Variants in TMEM178B observed in about 807,000 individuals in gnomAD.
TMEM178B encodes transmembrane protein 178B.
A neutral mutation model predicts 31.0 loss-of-function variants in TMEM178B; 5 were observed. The ratio of observed to expected loss-of-function variants is 0.16; its 90% CI spans 0.08 to 0.34. TMEM178B has a LOEUF of 0.34. TMEM178B is among the 10% of genes least tolerant of loss of function. The pLI is 1.00. For synonymous variants in TMEM178B, 164 were observed against 164.0 expected, an observed-to-expected ratio of 1.00 and a Z score of 0.00; for missense variants, 275 against 400.3, an observed-to-expected ratio of 0.69 and a Z score of 2.67.
intron 2 of TMEM178B, among the ~76,000 whole-genome samples, chr7:141,307,853 G>A (rs1798840945): frequency 6.6e-6 from 1 of 152,176 alleles, no homozygotes; most frequent in Non-Finnish European, 1.5e-5. Context: ...CATGTTGAAT[G>A]TAAGCCTAGC....
At chr7:141,369,615 C>G (rs1800075972) in intron 2 of TMEM178B, among the ~76,000 whole-genome samples, 2 of 152,150 alleles carry the variant, frequency 1.3e-5, no homozygotes, top group African/African-American at 4.8e-5. Context: ...CACCTCCACC[C>G]CGCGTTCCTA....
At position 141,476,949 on chromosome 7, in the gene TMEM178B, A is replaced by G. The variant is rs1474637948; in HGVS notation, c.*6163A>G. On this transcript the variant is annotated 3_prime_UTR_variant, in exon 4 of 4. Transcript: ENST00000565468. ...GAAGAGTTGCACAGCAGTAGTTCGA[A>G]GAAGCTGGCATCTCTTTGGCAAACA... 1.3e-5 allele frequency: 2 copies of G among 154,846 alleles called. No individual in the cohort carries two copies. Among genetic ancestry groups the G allele is most frequent in the South Asian group, 2.0e-4 (1 of 4,926 alleles). The allele number at this position is 154,846 out of a possible 1,614,324, so 9.6% of individuals were successfully genotyped here. A position where few individuals can be genotyped will look rare whatever the true frequency, so the allele number is the denominator to read the frequency against.
chr7:141,510,100 C>T, the TMEM178B span, among the ~76,000 whole-genome samples: 1 of 152,140 alleles, frequency 6.6e-6, no homozygotes, highest in Admixed American at 6.5e-5. Flanking sequence ...TAAGCAGAAC[C>T]CAGCTGGGAC....
chr7:141,231,457 GA>G (rs200081588), intron 2 of TMEM178B, among the ~76,000 whole-genome samples: 2 of 151,662 alleles, frequency 1.3e-5, no homozygotes, highest in East Asian at 1.9e-4. Flanking sequence ...TATGTAACCT[GA>G]AAAAAAAATT....
chr7:141,192,897 A>G (rs1018819093), intron 1 of TMEM178B, among the ~76,000 whole-genome samples: 16 of 152,110 alleles, frequency 1.1e-4, no homozygotes, highest in Non-Finnish European at 1.6e-4. Flanking sequence ...CCTAATTCCC[A>G]GGGGGGAGGC....
chr7:141,332,060 G>A (rs1215030711), intron 2 of TMEM178B, among the ~76,000 whole-genome samples: 1 of 152,164 alleles, frequency 6.6e-6, no homozygotes, highest in Non-Finnish European at 1.5e-5. Flanking sequence ...TCCTGGTTGT[G>A]ACTGTCCATC....
chr7:141,273,886 A>G (rs911400369), intron 2 of TMEM178B, among the ~76,000 whole-genome samples: 1 of 152,084 alleles, frequency 6.6e-6, no homozygotes, highest in African/African-American at 2.4e-5. Flanking sequence ...GGTTTCTCAA[A>G]CTCAACAACT....
At chr7:141,270,772 T>C (rs1798169024) in intron 2 of TMEM178B, among the ~76,000 whole-genome samples, 1 of 152,226 alleles carries the variant, frequency 6.6e-6, no homozygotes, top group East Asian at 1.9e-4. Context: ...TTAGTAACGA[T>C]GTCGTTATCT....
rs1170318846 is a variant in TMEM178B at position 141,477,390 on chromosome 7, A to T, written c.*6604A>T. On this transcript the variant is annotated 3_prime_UTR_variant, in exon 4 of 4. Coordinates refer to ENST00000565468, the MANE Select transcript of TMEM178B (RefSeq NM_001195278.2). Reference sequence around the variant, plus strand: ...CCCTAAAATCCTGAGTTAGGGTGGGATATGAAGGGAGGGATACCATTGACA... The same window carrying T: ...CCCTAAAATCCTGAGTTAGGGTGGGTTATGAAGGGAGGGATACCATTGACA... 3 of 153,090 alleles carry T rather than the reference A, an allele frequency of 2.0e-5. No individual in the cohort carries two copies. The highest frequency in any genetic ancestry group is 7.2e-5 in the African/African-American group (3 of 41,460). The allele number at this position is 153,090 out of a possible 1,614,324, so 9.5% of individuals were successfully genotyped here.
chr7:141,336,010 C>T (rs761075300), intron 2 of TMEM178B, among the ~76,000 whole-genome samples: 5 of 152,158 alleles, frequency 3.3e-5, no homozygotes, highest in East Asian at 3.8e-4. Flanking sequence ...GATGAAACAC[C>T]GTCTCACTAC....
chr7:141,407,898 A>G lies in TMEM178B; in HGVS notation c.497-29710A>G, dbSNP rs979404371. Among the ~76,000 whole-genome samples the G allele has an allele frequency of 6.6e-5, 10 of 152,336 alleles. No individual in the cohort carries two copies. The East Asian group carries it at 1.7e-3, about 26-fold the overall frequency. On this transcript the variant is annotated intron_variant, in intron 2 of 3. Coordinates refer to ENST00000565468, the MANE Select transcript of TMEM178B (RefSeq NM_001195278.2). ...TCTCATTTTGTCAGTAGTAACTAAC[A>G]TGTATATGATGCTTTAAAGTTGAAG...
chr7:141,445,045 C>A (rs73169569), intron 3 of TMEM178B, among the ~76,000 whole-genome samples: 1 of 152,186 alleles, frequency 6.6e-6, no homozygotes, highest in Non-Finnish European at 1.5e-5. Context: ...ATTAAAGTTT[C>A]TTTTCCTACC....
intron 2 of TMEM178B, among the ~76,000 whole-genome samples, chr7:141,313,883 G>A (rs979240712): frequency 6.6e-6 from 1 of 151,564 alleles, no homozygotes; most frequent in Admixed American, 6.6e-5. Context: ...GGACCCCCCT[G>A]ATGAGACCAA....
At chr7:141,179,777 G>T (rs1212326629) in intron 1 of TMEM178B, among the ~76,000 whole-genome samples, 1 of 152,158 alleles carries the variant, frequency 6.6e-6, no homozygotes, top group East Asian at 1.9e-4. Flanking sequence ...CCATGGGAGA[G>T]CCCAGGGCCA....
intron 2 of TMEM178B, among the ~76,000 whole-genome samples, chr7:141,267,055 C>T (rs889959431): frequency 7.9e-5 from 12 of 152,184 alleles, no homozygotes; most frequent in African/African-American, 2.7e-4. Context: ...CCTGCCCTTT[C>T]CTGCTACCTG....
chr7:141,415,785 CT>C (rs1801085479), intron 2 of TMEM178B, among the ~76,000 whole-genome samples: 1 of 152,112 alleles, frequency 6.6e-6, no homozygotes. Context: ...TTTAGAAGTT[CT>C]GAATTAGAGG....
chr7:141,205,026 C>T (rs990816961), intron 1 of TMEM178B, among the ~76,000 whole-genome samples: 1 of 152,020 alleles, frequency 6.6e-6, no homozygotes, highest in African/African-American at 2.4e-5. Context: ...GGGTCTCACT[C>T]TATTGCCCAG....
chr7:141,441,039 C>G (rs1023690639), intron 3 of TMEM178B, among the ~76,000 whole-genome samples: 1 of 152,186 alleles, frequency 6.6e-6, no homozygotes, highest in Non-Finnish European at 1.5e-5. Flanking sequence ...AGGGCACTCC[C>G]TTTCTTCTCT....
At chr7:141,345,237 CCA>C (rs1374684455) in intron 2 of TMEM178B, among the ~76,000 whole-genome samples, 4 of 152,204 alleles carry the variant, frequency 2.6e-5, no homozygotes, top group Middle Eastern at 3.4e-3. Context: ...ATCAATAGTA[CCA>C]AAGTCAGCAA....
Sources: gnomAD v4.1 joint callset for allele counts (sites outside exome capture counted in the v4.1 genomes callset) on GRCh38, gnomAD v4.1.1 for gene constraint, MANE v1.5 for transcripts, NCBI Gene and HGNC (gene_info 2026-07-23, HGNC 2026-07-21) for gene names.